The following PPM1H variants were observed in gnomAD, a reference collection of about 807,000 sequenced individuals.
The protein encoded by PPM1H is protein phosphatase 1H.
In PPM1H, 27 loss-of-function variants were observed where a neutral mutation model predicts 54.9. The ratio of observed to expected loss-of-function variants is 0.49; its 90% CI spans 0.36 to 0.68. The LOEUF is 0.68. PPM1H is among the 30% of genes least tolerant of loss of function. The pLI, the probability that PPM1H is intolerant of heterozygous loss-of-function variation, is 0.00. For missense variants in PPM1H, 596 were observed against 667.8 expected, an observed-to-expected ratio of 0.89 and a Z score of 1.19; for synonymous variants, 305 against 270.8, an observed-to-expected ratio of 1.13 and a Z score of -1.24.
At chr12:62,829,299 C>A (rs748343833) in intron 2 of PPM1H, among the ~76,000 whole-genome samples, 9 of 152,096 alleles carry the variant, frequency 5.9e-5, no homozygotes, top group Non-Finnish European at 1.3e-4. Context: ...ATGTGAGGTA[C>A]CTGCAGTGGT....
At chr12:62,814,745 C>T (rs972439805) in intron 2 of PPM1H, among the ~76,000 whole-genome samples, 1 of 152,202 alleles carries the variant, frequency 6.6e-6, no homozygotes, top group Non-Finnish European at 1.5e-5. Context: ...TGAGTGACAT[C>T]TCATCGTTGA....
chr12:62,886,861 C>A (rs780631045), intron 1 of PPM1H, among the ~76,000 whole-genome samples: 2 of 152,150 alleles, frequency 1.3e-5, no homozygotes, highest in Non-Finnish European at 2.9e-5. Context: ...TTTGCCACTG[C>A]GGTTTTAACT....
At chr12:62,800,612 C>G (rs960512994) in intron 3 of PPM1H, among the ~76,000 whole-genome samples, 1 of 152,152 alleles carries the variant, frequency 6.6e-6, no homozygotes, top group Non-Finnish European at 1.5e-5. Context: ...GCTGGGATTA[C>G]AGGCATGAAC....
chr12:62,908,956 T>C (rs812224), intron 1 of PPM1H, among the ~76,000 whole-genome samples: 50,127 of 151,922 alleles, frequency 0.33, 9,874 homozygotes, highest in Non-Finnish European at 0.45. Context: ...CTTGGGCCAA[T>C]GGACTCTGGA....
At position 62,815,165 on chromosome 12, in the gene PPM1H, T is replaced by C. The variant is rs189996084; in HGVS notation, c.412-13005A>G. On this transcript the variant is annotated intron_variant, in intron 2 of 9. Coordinates refer to ENST00000228705, the MANE Select transcript of PPM1H (RefSeq NM_020700.2). Reference sequence around the variant, plus strand: ...CACATGGAGCCATGACCCTACAGCGTTGTTCGCTTTTTACCATACCTCTTT... The same window carrying C: ...CACATGGAGCCATGACCCTACAGCGCTGTTCGCTTTTTACCATACCTCTTT... 4.2e-3 allele frequency among the ~76,000 whole-genome samples: 639 copies of C among 151,500 alleles called. 10 individuals are homozygous for C. Among genetic ancestry groups the C allele is most frequent in the Non-Finnish European group, 2.7e-3 (183 of 68,004 alleles).
chr12:62,895,176 C>T (rs926542415), intron 1 of PPM1H, among the ~76,000 whole-genome samples: 2 of 152,214 alleles, frequency 1.3e-5, no homozygotes, highest in Non-Finnish European at 1.5e-5. Flanking sequence ...TATGTGTCCT[C>T]TTTATCACCA....
rs114103996 is a variant in PPM1H at position 62,750,555 on chromosome 12, G to A, written c.870-12969C>T. Among the ~76,000 whole-genome samples the A allele has an allele frequency of 4.0e-3, 611 of 152,216 alleles. 6 individuals carry two copies. The highest frequency in any genetic ancestry group is 0.014 in the African/African-American group (575 of 41,522). ...TTGTGTTTCCATTTTTTTTGAAACA[G>A]TGAATAATGCTGCTATGAACATTTG... On this transcript the variant is annotated intron_variant, in intron 4 of 9. Transcript: ENST00000228705.
intron 5 of PPM1H, chr12:62,720,568 C>T: frequency 2.7e-6 from 1 of 372,620 alleles, no homozygotes; most frequent in Non-Finnish European, 4.9e-6. Context: ...GAGCTTCTCT[C>T]TAAAGAATGG....
chr12:62,807,113 A>G (rs2076809405), intron 2 of PPM1H, among the ~76,000 whole-genome samples: 1 of 152,202 alleles, frequency 6.6e-6, no homozygotes, highest in Admixed American at 6.5e-5. Flanking sequence ...AGACTCAACC[A>G]TGGCCATGTG....
At chr12:62,691,640 G>A (rs1055965670) in intron 7 of PPM1H, among the ~76,000 whole-genome samples, 4 of 152,000 alleles carry the variant, frequency 2.6e-5, no homozygotes, top group Non-Finnish European at 4.4e-5. Context: ...CCAGGGCAAT[G>A]TGGTAAAACC....
intron 4 of PPM1H, among the ~76,000 whole-genome samples, chr12:62,771,086 AC>A (rs1273538551): frequency 2.9e-4 from 41 of 141,756 alleles, no homozygotes; most frequent in Admixed American, 5.8e-4. Context: ...ACACACACAC[AC>A]AACTGTGTTT....
At chr12:62,753,475 C>A (rs545636979) in intron 4 of PPM1H, among the ~76,000 whole-genome samples, 22 of 152,350 alleles carry the variant, frequency 1.4e-4, no homozygotes, top group African/African-American at 4.8e-4. Context: ...GGATGAACAT[C>A]TAACATCTTT....
At chr12:62,760,112 T>C (rs2076499517) in intron 4 of PPM1H, among the ~76,000 whole-genome samples, 2 of 152,198 alleles carry the variant, frequency 1.3e-5, no homozygotes, top group Admixed American at 1.3e-4. Flanking sequence ...GCAATACTGT[T>C]TGGCCCCAGT....
chr12:62,649,208 TTTTAA>T (rs1009678153), intron 9 of PPM1H, among the ~76,000 whole-genome samples: 1 of 151,520 alleles, frequency 6.6e-6, no homozygotes, highest in Non-Finnish European at 1.5e-5. Flanking sequence ...TGGTTTTTTT[TTTTAA>T]TTTATTTAAT....
rs2076683352 is a variant in PPM1H, at chr12:62,788,108, T to C, written c.869+118A>G. 1.4e-5 allele frequency: 10 copies of C among 724,504 alleles called. No individual in the cohort carries two copies. The East Asian group carries it at 2.7e-4, about 20-fold the overall frequency. 44.9% of individuals were successfully genotyped at this position (724,504 alleles called of 1,614,324 possible). On this transcript the variant is annotated intron_variant, in intron 4 of 9. Coordinates refer to ENST00000228705, the MANE Select transcript of PPM1H (RefSeq NM_020700.2). ...CAACCTGATTGTCCTTAAATGCATT[T>C]TCATTCTGATGTAGAAGGCCTGTCT...
At chr12:62,750,753 A>G (rs372737048) in intron 4 of PPM1H, among the ~76,000 whole-genome samples, 140 of 152,296 alleles carry the variant, frequency 9.2e-4, no homozygotes, top group Non-Finnish European at 1.4e-3. Flanking sequence ...TTTCTCTTAA[A>G]GGACTCTAGA....
intron 8 of PPM1H, among the ~76,000 whole-genome samples, chr12:62,674,603 T>C (rs2075975321): frequency 6.6e-6 from 1 of 152,082 alleles, no homozygotes; most frequent in African/African-American, 2.4e-5. Flanking sequence ...AACACTGAAT[T>C]TGGAGGCAGA....
chr12:62,853,000 T>G (rs979306484), intron 1 of PPM1H, among the ~76,000 whole-genome samples: 10 of 152,296 alleles, frequency 6.6e-5, no homozygotes, highest in African/African-American at 2.2e-4. Flanking sequence ...TAAAACATTA[T>G]GATAGTCTGT....
At chr12:62,830,477 G>A (rs186266763) in intron 2 of PPM1H, among the ~76,000 whole-genome samples, 368 of 152,196 alleles carry the variant, frequency 2.4e-3, no homozygotes, top group Non-Finnish European at 3.6e-3. Flanking sequence ...GGATGGTCTC[G>A]ATCTCCTGAC....
Sources: gnomAD v4.1 joint callset for allele counts (sites outside exome capture counted in the v4.1 genomes callset) on GRCh38, gnomAD v4.1.1 for gene constraint, MANE v1.5 for transcripts, NCBI Gene and HGNC (gene_info 2026-07-23, HGNC 2026-07-21) for gene names.